CLEC11A: variants seen among roughly 807,000 people sequenced by gnomAD.
CLEC11A encodes the protein C-type lectin domain containing 11A, also known as C-type lectin domain family 11 member A.
In CLEC11A, 35 loss-of-function variants were observed where a neutral mutation model predicts 33.9. The observed-to-expected ratio is 1.03, with a 90% CI of 0.79 to 1.37. The LOEUF (loss-of-function observed/expected upper bound fraction) is 1.37, where lower values mean the gene tolerates loss of function less well. CLEC11A is among the 40% of genes most tolerant of loss of function. The pLI is 0.00. For synonymous variants in CLEC11A, 220 were observed against 202.2 expected, an observed-to-expected ratio of 1.09 and a Z score of -0.75; for missense variants, 519 against 455.5, an observed-to-expected ratio of 1.14 and a Z score of -1.27.
In CLEC11A at chr19:50,724,267, T is replaced by C; in HGVS notation, c.335-143T>C. On this transcript the variant is annotated intron_variant, in intron 2 of 3. Coordinates refer to ENST00000250340, the MANE Select transcript of CLEC11A (RefSeq NM_002975.3). This position sits in a 1 kb window ranked among gnomAD's most constrained non-coding sequence, Gnocchi z 4.1. The stretch of plus-strand genomic sequence containing the variant: ...CATGCCTCCTAAAGGCCTGGGCCAC[T>C]CGACCCTACCTTCCAGGAGTCCGGG... 1 of 1,246,694 alleles carries C rather than the reference T, an allele frequency of 8.0e-7. No individual in the cohort carries two copies. Among genetic ancestry groups the C allele is most frequent in the Non-Finnish European group, 1.1e-6 (1 of 921,546 alleles). The allele number at this position is 1,246,694 out of a possible 1,614,324, so 77.2% of individuals were successfully genotyped here.
In CLEC11A at chr19:50,725,240, G is replaced by A. The variant is rs537832690; in HGVS notation, c.745G>A (p.Gly249Ser). The change falls in exon 4 of 4, where the codon GGC (glycine) becomes AGC (serine). Residue 249 changes from glycine (G) to serine (S), a missense_variant. Gly to Ser is a moderately conservative substitution (Grantham distance 56). Coordinates refer to ENST00000250340, the MANE Select transcript of CLEC11A (RefSeq NM_002975.3). ...GGGCGTGCACGATCGGCGCGCCGAGGGCCTCTACCTCTTCGAAAACGGCCA... is the reference window on the plus strand; with the variant it reads ...GGGCGTGCACGATCGGCGCGCCGAGAGCCTCTACCTCTTCGAAAACGGCCA... ...WLGVHDRRAE[G>S]LYLFENGQRV... 8.1e-6 allele frequency: 13 copies of A among 1,607,322 alleles called. 1 individual carries two copies. In the East Asian group the frequency reaches 1.6e-4, roughly 19 times the overall value.
chr19:50,723,430 C>G lies in CLEC11A; in HGVS notation c.-96C>G, dbSNP rs971875080. Reference sequence around the variant, plus strand: ...CGGGAACCTGGGGGCTAGTGACCTGCACACAGGGCAGGGGCACTCGGCAGT... The same window carrying G: ...CGGGAACCTGGGGGCTAGTGACCTGGACACAGGGCAGGGGCACTCGGCAGT... On this transcript the variant is annotated 5_prime_UTR_variant, in exon 1 of 4. Coordinates refer to ENST00000250340, the MANE Select transcript of CLEC11A (RefSeq NM_002975.3). This position sits in a 1 kb window ranked among gnomAD's most constrained non-coding sequence, Gnocchi z 4.1. The G allele has an allele frequency of 7.5e-7, 1 of 1,334,620 alleles. No individual in the cohort carries two copies. Among genetic ancestry groups the G allele is most frequent in the East Asian group, 2.3e-5 (1 of 43,258 alleles). 82.7% of individuals were successfully genotyped at this position (1,334,620 alleles called of 1,614,324 possible).
Position 50,725,185 on chromosome 19 carries a change from G to C in CLEC11A, c.690G>C (p.Ala230=). Residue 230 remains alanine (A), a synonymous_variant, in exon 4 of 4, where the codon GCG becomes GCC. Transcript: ENST00000250340. Reference sequence around the variant, plus strand: ...CGCTCACTCGGTACCTGCGCGCGGCGCTCGCTCCCTACAACTGGCCCGTGT... The same window carrying C: ...CGCTCACTCGGTACCTGCGCGCGGCCCTCGCTCCCTACAACTGGCCCGTGT... ...MEALTRYLRA[A]LAPYNWPVWL... 1 of 1,583,354 alleles carries C rather than the reference G, an allele frequency of 6.3e-7. No homozygotes were observed. The highest frequency in any genetic ancestry group is 8.6e-7 in the Non-Finnish European group (1 of 1,166,186).
rs767142507 is a variant in CLEC11A, at chr19:50,724,422, C to G, written c.347C>G (p.Ala116Gly). The change falls in exon 3 of 4, where the codon GCC (alanine) becomes GGC (glycine). Residue 116 changes from alanine to glycine, a missense_variant. Coordinates refer to ENST00000250340, the MANE Select transcript of CLEC11A (RefSeq NM_002975.3). This position sits in a 1 kb window ranked among gnomAD's most constrained non-coding sequence, Gnocchi z 4.1. ...TGTCTGTCCGCAGTGGGCCGCCTGGCCGGCCTGGACGCAGGCCTGCACCAG... is the reference window on the plus strand; with the variant it reads ...TGTCTGTCCGCAGTGGGCCGCCTGGGCGGCCTGGACGCAGGCCTGCACCAG... Reference protein sequence around the residue: ...DIVTYILGRLAGLDAGLHQLH... With the variant: ...DIVTYILGRLGGLDAGLHQLH... The G allele has an allele frequency of 4.0e-6, 6 of 1,513,706 alleles. No homozygotes were observed. In the East Asian group the frequency reaches 1.4e-4, roughly 36 times the overall value. The allele number at this position is 1,513,706 out of a possible 1,614,324, so 93.8% of individuals were successfully genotyped here.
At position 50,724,725 on chromosome 19, in the gene CLEC11A, G is replaced by C; in HGVS notation, c.526+124G>C. 1 of 1,206,076 alleles carries C rather than the reference G, an allele frequency of 8.3e-7. No individual in the cohort carries two copies. Among genetic ancestry groups the C allele is most frequent in the East Asian group, 3.0e-5 (1 of 33,556 alleles). The allele number at this position is 1,206,076 out of a possible 1,614,324, so 74.7% of individuals were successfully genotyped here. Reference sequence around the variant, plus strand: ...TCGGGAGAGCTGCTGTGTGCTAGCGGACGGGGTTAGAGAGCTGGGAGGCTG... The same window carrying C: ...TCGGGAGAGCTGCTGTGTGCTAGCGCACGGGGTTAGAGAGCTGGGAGGCTG... On this transcript the variant is annotated intron_variant, in intron 3 of 3. Transcript: ENST00000250340. The surrounding 1 kb of genome is among the most constrained non-coding windows in gnomAD (Gnocchi z 4.1).
Position 50,724,295 on chromosome 19 carries a change from G to GGCCC in CLEC11A, c.335-115_335-114insGCCC. ...ACCCTACCTTCCAGGAGTCCGGGGT[G>GGCCC]CCCCCCCCACCGCCACCCCGCCCTC... On this transcript the variant is annotated intron_variant, in intron 2 of 3. Transcript: ENST00000250340. The surrounding 1 kb of genome is among the most constrained non-coding windows in gnomAD (Gnocchi z 4.1). The GGCCC allele has an allele frequency of 8.8e-7, 1 of 1,130,920 alleles. No individual in the cohort carries two copies. Among genetic ancestry groups the GGCCC allele is most frequent in the East Asian group, 2.8e-5 (1 of 35,482 alleles). The allele number at this position is 1,130,920 out of a possible 1,614,324, so 70.1% of individuals were successfully genotyped here. A position where few individuals can be genotyped will look rare whatever the true frequency, so the allele number is the denominator to read the frequency against.
rs748694593 is a variant in CLEC11A at position 50,725,420 on chromosome 19, C to T, written c.925C>T (p.His309Tyr). 3 of 1,610,758 alleles carry T rather than the reference C, an allele frequency of 1.9e-6. No homozygotes were observed. The highest frequency in any genetic ancestry group is 1.3e-5 in the African/African-American group (1 of 74,994). The change falls in exon 4 of 4, where the codon CAC becomes TAC. Residue 309 changes from histidine (H) to tyrosine (Y), a missense_variant. Physicochemically the swap from His to Tyr is moderately conservative, Grantham distance 83. Transcript: ENST00000250340. The part of the protein sequence containing the change: ...QASDDGSWWD[H>Y]DCQRRLYYVC... ...CTCTGACGACGGCTCCTGGTGGGAC[C>T]ACGACTGCCAGCGGCGTCTCTACTA...
rs1248257270 is a variant in CLEC11A at position 50,725,110 on chromosome 19, G to C, written c.615G>C (p.Thr205=). The C allele has an allele frequency of 2.0e-6, 3 of 1,534,036 alleles. No individual in the cohort carries two copies. Among genetic ancestry groups the C allele is most frequent in the African/African-American group, 1.4e-5 (1 of 71,640 alleles). The change falls in exon 4 of 4, where the codon ACG becomes ACC. Residue 205 remains threonine (T), a synonymous_variant. Coordinates refer to ENST00000250340, the MANE Select transcript of CLEC11A (RefSeq NM_002975.3). Reference sequence around the variant, plus strand: ...AGGCGGCGGCGCAGGCGCGGTGCACGGCGCGGGGCGGGAGCCTGGCGCAGC... The same window carrying C: ...AGGCGGCGGCGCAGGCGCGGTGCACCGCGCGGGGCGGGAGCCTGGCGCAGC... ...EAQAAAQARC[T]ARGGSLAQPA...
rs1599880492 is a variant in CLEC11A, at chr19:50,724,153, T to C, written c.334+62T>C. 1.9e-6 allele frequency: 3 copies of C among 1,603,888 alleles called. No homozygotes were observed. The East Asian group carries it at 6.7e-5, about 36-fold the overall frequency. On this transcript the variant is annotated intron_variant, in intron 2 of 3. Transcript: ENST00000250340. The surrounding 1 kb of genome is among the most constrained non-coding windows in gnomAD (Gnocchi z 4.1). ...GCCGCCGCGGTCACTTTCGCAAAAATGAAGGGTCGGTTCACTGCCAAGTGG... is the reference window on the plus strand; with the variant it reads ...GCCGCCGCGGTCACTTTCGCAAAAACGAAGGGTCGGTTCACTGCCAAGTGG...
In CLEC11A at chr19:50,724,357, C is replaced by A. The variant is rs1357950858; in HGVS notation, c.335-53C>A. On this transcript the variant is annotated intron_variant, in intron 2 of 3. Coordinates refer to ENST00000250340, the MANE Select transcript of CLEC11A (RefSeq NM_002975.3). The surrounding 1 kb of genome is among the most constrained non-coding windows in gnomAD (Gnocchi z 4.1). Reference sequence around the variant, plus strand: ...ATCCCAGTTCTCCAGGTCCTCAGGCCCCCCGCTGCATCTCCAGGCTCCCCC... The same window carrying A: ...ATCCCAGTTCTCCAGGTCCTCAGGCACCCCGCTGCATCTCCAGGCTCCCCC... 39 of 1,429,090 alleles carry A rather than the reference C, an allele frequency of 2.7e-5. No individual in the cohort carries two copies. Among genetic ancestry groups the A allele is most frequent in the Non-Finnish European group, 3.4e-5 (37 of 1,090,198 alleles). 88.5% of individuals were successfully genotyped at this position (1,429,090 alleles called of 1,614,324 possible). A position where few individuals can be genotyped will look rare whatever the true frequency, so the allele number is the denominator to read the frequency against.
Position 50,725,083 on chromosome 19 carries a change from T to C in CLEC11A, c.588T>C (p.Ala196=), listed in dbSNP as rs776262377. The change falls in exon 4 of 4, where the codon GCT becomes GCC. Residue 196 remains alanine (A), a synonymous_variant. Transcript: ENST00000250340. The stretch of plus-strand genomic sequence containing the variant: ...TCCTGCTCTCGCGCGACTTCGAAGC[T>C]CAGGCGGCGGCGCAGGCGCGGTGCA... ...KCFLLSRDFE[A]QAAAQARCTA... 7.2e-5 allele frequency: 110 copies of C among 1,521,104 alleles called. No homozygotes were observed. The highest frequency in any genetic ancestry group is 8.6e-5 in the Non-Finnish European group (98 of 1,136,680). The allele number at this position is 1,521,104 out of a possible 1,614,324, so 94.2% of individuals were successfully genotyped here. A position where few individuals can be genotyped will look rare whatever the true frequency, so the allele number is the denominator to read the frequency against.
At position 50,725,040 on chromosome 19, in the gene CLEC11A, G is replaced by A; in HGVS notation, c.545G>A (p.Arg182His). The stretch of plus-strand genomic sequence containing the variant: ...CCCACAGGCTGCCTGAAGGGGCTGC[G>A]CCTGGGCCACAAGTGCTTCCTGCTC... ...GRLEGCLKGL[R>H]LGHKCFLLSR... The change falls in exon 4 of 4, where the codon CGC becomes CAC. Residue 182 changes from arginine to histidine, a missense_variant. Transcript: ENST00000250340. The A allele has an allele frequency of 1.3e-6, 2 of 1,500,694 alleles. No individual in the cohort carries two copies. The highest frequency in any genetic ancestry group is 1.3e-5 in the South Asian group (1 of 76,108). 93.0% of individuals were successfully genotyped at this position (1,500,694 alleles called of 1,614,324 possible). A position where few individuals can be genotyped will look rare whatever the true frequency, so the allele number is the denominator to read the frequency against.
At position 50,725,564 on chromosome 19, in the gene CLEC11A, C is replaced by T. The variant is rs1372768231; in HGVS notation, c.*97C>T. On this transcript the variant is annotated 3_prime_UTR_variant, in exon 4 of 4. Coordinates refer to ENST00000250340, the MANE Select transcript of CLEC11A (RefSeq NM_002975.3). ...GGAATCTCCCTTCCCTTCCTGGCCA[C>T]GAATGGCAGCGTCCTCCCCGACCCC... 2 of 1,447,846 alleles carry T rather than the reference C, an allele frequency of 1.4e-6. No homozygotes were observed. Among genetic ancestry groups the T allele is most frequent in the Non-Finnish European group, 9.1e-7 (1 of 1,096,720 alleles). 89.7% of individuals were successfully genotyped at this position (1,447,846 alleles called of 1,614,324 possible).
In CLEC11A at chr19:50,724,560, A is replaced by G; in HGVS notation, c.485A>G (p.Glu162Gly). 6.7e-7 allele frequency: 1 copy of G among 1,494,892 alleles called. No homozygotes were observed. The highest frequency in any genetic ancestry group is 8.9e-7 in the Non-Finnish European group (1 of 1,126,452). The allele number at this position is 1,494,892 out of a possible 1,614,324, so 92.6% of individuals were successfully genotyped here. ...CGCGATGCCGTGCAAGCCCTGCAGG[A>G]GGCGCAGGGTCGCGCCGAGCGCGAG... ...DTRDAVQALQ[E>G]AQGRAEREHG... The change falls in exon 3 of 4, where the codon GAG (glutamate) becomes GGG (glycine). Residue 162 changes from glutamate (E) to glycine (G), a missense_variant. Physicochemically the swap from Glu to Gly is moderately conservative, Grantham distance 98 (BLOSUM62 -2). Coordinates refer to ENST00000250340, the MANE Select transcript of CLEC11A (RefSeq NM_002975.3). The surrounding 1 kb of genome is among the most constrained non-coding windows in gnomAD (Gnocchi z 4.1).
rs1195741806 is a variant in CLEC11A, at chr19:50,724,688, G to T, written c.526+87G>T. Reference sequence around the variant, plus strand: ...TTGAGAAGGTGACCCTAGGTGTCCGGGGCGGGAGAGTTCGGGAGAGCTGCT... The same window carrying T: ...TTGAGAAGGTGACCCTAGGTGTCCGTGGCGGGAGAGTTCGGGAGAGCTGCT... On this transcript the variant is annotated intron_variant, in intron 3 of 3. Transcript: ENST00000250340. The surrounding 1 kb of genome is among the most constrained non-coding windows in gnomAD (Gnocchi z 4.1). The T allele has an allele frequency of 2.3e-6, 3 of 1,303,096 alleles. No individual in the cohort carries two copies. The highest frequency in any genetic ancestry group is 2.0e-6 in the Non-Finnish European group (2 of 1,003,382). 80.7% of individuals were successfully genotyped at this position (1,303,096 alleles called of 1,614,324 possible).
chr19:50,725,429 C>T lies in CLEC11A; in HGVS notation c.934C>T (p.Gln312Ter), dbSNP rs777726006. 6.2e-7 allele frequency: 1 copy of T among 1,610,410 alleles called. No individual in the cohort carries two copies. The highest frequency in any genetic ancestry group is 8.5e-7 in the Non-Finnish European group (1 of 1,178,682). ...DDGSWWDHDC[Q>*]RRLYYVCEFP... ...CGGCTCCTGGTGGGACCACGACTGC[C>T]AGCGGCGTCTCTACTACGTCTGCGA... is the stretch of plus-strand genomic sequence containing the variant. Residue 312 changes from glutamine to a stop codon, truncating the protein, a stop_gained, in exon 4 of 4, where the codon CAG (glutamine) becomes TAG (stop). Transcript: ENST00000250340. LOFTEE classifies it high-confidence loss of function.
chr19:50,725,159 GCGCTCACTCGGTACCTGCGCGCGGCGCT>G lies in CLEC11A; in HGVS notation c.670_697del (p.Thr224ProfsTer172). The stretch of plus-strand genomic sequence containing the variant: ...GCCGGCAGACCGCCAGCAGATGGAG[GCGCTCACTCGGTACCTGCGCGCGGCGCT>G]CGCTCCCTACAACTGGCCCGTGTGG... On this transcript the variant is annotated frameshift_variant, in exon 4 of 4. Coordinates refer to ENST00000250340, the MANE Select transcript of CLEC11A (RefSeq NM_002975.3). LOFTEE classifies it high-confidence loss of function. 2 of 1,567,548 alleles carry G rather than the reference GCGCTCACTCGGTACCTGCGCGCGGCGCT, an allele frequency of 1.3e-6. No homozygotes were observed. Among genetic ancestry groups the G allele is most frequent in the Non-Finnish European group, 1.7e-6 (2 of 1,158,344 alleles).
rs1177711216 is a variant in CLEC11A, at chr19:50,723,963, C to A, written c.206C>A (p.Thr69Asn). The change falls in exon 2 of 4, where the codon ACT becomes AAT. Residue 69 changes from threonine to asparagine, a missense_variant. By Grantham distance (65) the Thr-to-Asn change is moderately conservative (BLOSUM62 0). Coordinates refer to ENST00000250340, the MANE Select transcript of CLEC11A (RefSeq NM_002975.3). This position sits in a 1 kb window ranked among gnomAD's most constrained non-coding sequence, Gnocchi z 4.1. ...AGRGDENPAG[T>N]VEGKEDWEME... is the part of the protein sequence containing the mutation. ...AGGGGGGATGAGAATCCTGCCGGAA[C>A]TGTTGAGGGAAAAGAGGACTGGGAG... 1.5e-5 allele frequency: 24 copies of A among 1,613,594 alleles called. 1 individual carries two copies. In the South Asian group the frequency reaches 2.5e-4, roughly 17 times the overall value.
Position 50,724,785 on chromosome 19 carries a change from C to G in CLEC11A, c.526+184C>G, listed in dbSNP as rs886285731. 1.4e-4 allele frequency among the ~76,000 whole-genome samples: 21 copies of G among 152,004 alleles called. No homozygotes were observed. The highest frequency in any genetic ancestry group is 2.6e-4 in the Non-Finnish European group (18 of 67,968). On this transcript the variant is annotated intron_variant, in intron 3 of 3. Transcript: ENST00000250340. This position sits in a 1 kb window ranked among gnomAD's most constrained non-coding sequence, Gnocchi z 4.1. ...AGCGGGTGGGCACTCCAGACCCGCG[C>G]GGACCCGACTGGGGCAGCACCACGC...
Sources: allele counts gnomAD v4.1 joint callset (sites outside exome capture counted in the v4.1 genomes callset), GRCh38; gene constraint gnomAD v4.1.1; non-coding constraint Gnocchi (gnomAD v3.1); transcripts MANE v1.5; gene names NCBI Gene and HGNC (gene_info 2026-07-23, HGNC 2026-07-21).